Variants in VTI1A observed in about 807,000 individuals in gnomAD.
VTI1A encodes vesicle transport through interaction with t-SNAREs homolog 1A.
A neutral mutation model predicts 34.9 loss-of-function variants in VTI1A; 22 were observed. The ratio of observed to expected loss-of-function variants is 0.63; its 90% CI spans 0.45 to 0.90. VTI1A has a LOEUF of 0.90. Among genes scored for constraint, VTI1A ranks in the 40% least tolerant of loss-of-function variants. VTI1A has a pLI of 0.00. For missense variants in VTI1A, 268 were observed against 275.6 expected (o/e 0.97, Z 0.20); for synonymous variants, 87 against 97.3 (o/e 0.89, Z 0.62).
chr10:112,832,200 T>C, the VTI1A span: 1 of 111,284 alleles, frequency 9.0e-6, no homozygotes, highest in Admixed American at 9.6e-5. Flanking sequence ...AGGGGGTGTA[T>C]TTTGATGTAG....
At chr10:112,465,982 C>G (rs1316984089) in intron 3 of VTI1A, among the ~76,000 whole-genome samples, 1 of 152,134 alleles carries the variant, frequency 6.6e-6, no homozygotes, top group Non-Finnish European at 1.5e-5. Context: ...TTCTTATAGG[C>G]TGGCACAGGA....
At chr10:112,556,452 T>A (rs1412576628) in intron 5 of VTI1A, among the ~76,000 whole-genome samples, 1 of 152,050 alleles carries the variant, frequency 6.6e-6, no homozygotes, top group African/African-American at 2.4e-5. Flanking sequence ...CTTGTTATGA[T>A]ATAACTTTTA....
chr10:112,506,813 G>A (rs1849447655), intron 3 of VTI1A, among the ~76,000 whole-genome samples: 1 of 152,070 alleles, frequency 6.6e-6, no homozygotes, highest in South Asian at 2.1e-4. Context: ...GTAAATTCTT[G>A]CAGCTTTTAT....
intron 5 of VTI1A, among the ~76,000 whole-genome samples, chr10:112,595,206 C>A (rs1291419516): frequency 2.2e-5 from 3 of 138,820 alleles, no homozygotes; most frequent in Non-Finnish European, 3.1e-5. Flanking sequence ...ACCATAAAAA[C>A]CCTAGAAGAA....
intron 5 of VTI1A, among the ~76,000 whole-genome samples, chr10:112,555,052 C>T (rs1851495421): frequency 6.6e-6 from 1 of 151,848 alleles, no homozygotes; most frequent in Admixed American, 6.6e-5. Context: ...TCTAGAAAAA[C>T]AAGAGTGTAT....
chr10:112,587,661 C>T (rs1278081329), intron 5 of VTI1A, among the ~76,000 whole-genome samples: 12 of 152,008 alleles, frequency 7.9e-5, no homozygotes, highest in African/African-American at 2.9e-4. Context: ...ATTACCTATG[C>T]CTGTTCCCAT....
chr10:112,597,198 T>G, intron 5 of VTI1A, among the ~76,000 whole-genome samples: 1 of 152,110 alleles, frequency 6.6e-6, no homozygotes. Context: ...TGGAACCTCT[T>G]TGGGCTGTGG....
At chr10:112,728,409 C>T (rs567124639) in intron 7 of VTI1A, among the ~76,000 whole-genome samples, 5 of 152,250 alleles carry the variant, frequency 3.3e-5, no homozygotes, top group Admixed American at 6.5e-5. Flanking sequence ...CAACACAGGC[C>T]GTTTGCCCTA....
intron 5 of VTI1A, among the ~76,000 whole-genome samples, chr10:112,550,558 T>TA (rs1351116461): frequency 6.6e-6 from 1 of 152,170 alleles, no homozygotes; most frequent in Non-Finnish European, 1.5e-5. Flanking sequence ...CCTCTTGGGC[T>TA]ACAGTGTTTT....
At chr10:112,799,899 G>A (rs1295091314) in intron 7 of VTI1A, among the ~76,000 whole-genome samples, 3 of 152,136 alleles carry the variant, frequency 2.0e-5, no homozygotes, top group Non-Finnish European at 2.9e-5. Flanking sequence ...GGGGGGACTA[G>A]ACAAGGAGCA....
the VTI1A span, among the ~76,000 whole-genome samples, chr10:112,835,661 G>A: frequency 6.6e-6 from 1 of 152,026 alleles, no homozygotes; most frequent in Non-Finnish European, 1.5e-5. Flanking sequence ...GTTATTATCT[G>A]AGTAGCAAGG....
chr10:112,515,751 C>T (rs550256079), intron 3 of VTI1A, among the ~76,000 whole-genome samples: 21 of 152,106 alleles, frequency 1.4e-4, no homozygotes, highest in Non-Finnish European at 2.8e-4. Flanking sequence ...ACAATTAATT[C>T]CTTTTTGTTT....
At chr10:112,552,187 A>G (rs529042066) in intron 5 of VTI1A, among the ~76,000 whole-genome samples, 2 of 152,224 alleles carry the variant, frequency 1.3e-5, no homozygotes, top group Non-Finnish European at 2.9e-5. Flanking sequence ...CATCGTATCA[A>G]TCAATAAATT....
At chr10:112,619,779 T>C (rs1336766488) in intron 5 of VTI1A, among the ~76,000 whole-genome samples, 2 of 151,940 alleles carry the variant, frequency 1.3e-5, no homozygotes, top group Non-Finnish European at 2.9e-5. Flanking sequence ...CTTTCTTGCC[T>C]TTTTCCTTGA....
chr10:112,609,882 C>T (rs895229467), intron 5 of VTI1A, among the ~76,000 whole-genome samples: 8 of 151,996 alleles, frequency 5.3e-5, no homozygotes, highest in African/African-American at 1.2e-4. Flanking sequence ...CAAATGGCTC[C>T]GTCCAGAATG....
intron 4 of VTI1A, among the ~76,000 whole-genome samples, chr10:112,527,834 A>G (rs1439868058): frequency 1.3e-5 from 2 of 152,076 alleles, no homozygotes; most frequent in African/African-American, 2.4e-5. Flanking sequence ...GTCGGTTCTC[A>G]TTGGATCATA....
intron 5 of VTI1A, among the ~76,000 whole-genome samples, chr10:112,645,616 G>A (rs965570609): frequency 1.3e-5 from 2 of 152,172 alleles, no homozygotes; most frequent in Admixed American, 6.5e-5. Flanking sequence ...TCTAATCCAA[G>A]CTCTGCTTGA....
At chr10:112,699,504 A>G in intron 7 of VTI1A, among the ~76,000 whole-genome samples, 1 of 152,240 alleles carries the variant, frequency 6.6e-6, no homozygotes, top group Non-Finnish European at 1.5e-5. Context: ...TAGTTTATAA[A>G]ATGTGTTTTA....
the VTI1A span, among the ~76,000 whole-genome samples, chr10:112,830,360 C>G: frequency 6.6e-6 from 1 of 151,408 alleles, no homozygotes; most frequent in Non-Finnish European, 1.5e-5. Context: ...CCCTCCAACA[C>G]TCCAAGCTCT....
Sources: gnomAD v4.1 joint callset for allele counts (sites outside exome capture counted in the v4.1 genomes callset) on GRCh38, gnomAD v4.1.1 for gene constraint, MANE v1.5 for transcripts, NCBI Gene and HGNC (gene_info 2026-07-23, HGNC 2026-07-21) for gene names.